The following ZNF385B variants were observed in gnomAD, a reference collection of about 807,000 sequenced individuals.
ZNF385B encodes zinc finger protein 385B.
A neutral mutation model predicts 39.2 loss-of-function variants in ZNF385B; 23 were observed. The ratio of observed to expected loss-of-function variants is 0.59; its 90% CI spans 0.42 to 0.83. The LOEUF is 0.83. ZNF385B is among the 40% of genes least tolerant of loss of function. The pLI is 0.00. For missense variants in ZNF385B, 552 were observed against 598.9 expected, an observed-to-expected ratio of 0.92 and a Z score of 0.82; for synonymous variants, 205 against 222.6, an observed-to-expected ratio of 0.92 and a Z score of 0.70.
chr2:179,843,659 G>A (rs1028463881), intron 1 of ZNF385B, among the ~76,000 whole-genome samples: 2 of 152,172 alleles, frequency 1.3e-5, no homozygotes, highest in African/African-American at 4.8e-5. Flanking sequence ...CTTCATTTGT[G>A]CATTGGTATA....
At chr2:179,699,102 A>C (rs1698979285) in intron 3 of ZNF385B, among the ~76,000 whole-genome samples, 1 of 87,198 alleles carries the variant, frequency 1.1e-5, no homozygotes, top group South Asian at 5.1e-4. Context: ...GAGACAATTA[A>C]AAATTTTGTG....
At chr2:179,665,304 T>G (rs1472363338) in intron 3 of ZNF385B, among the ~76,000 whole-genome samples, 1 of 152,250 alleles carries the variant, frequency 6.6e-6, no homozygotes, top group Admixed American at 6.5e-5. Context: ...GACTTAATCT[T>G]TTCACCTGTA....
At chr2:179,797,407 C>G (rs150784557) in intron 1 of ZNF385B, among the ~76,000 whole-genome samples, 1 of 152,144 alleles carries the variant, frequency 6.6e-6, no homozygotes, top group East Asian at 1.9e-4. Flanking sequence ...TGTCATCACA[C>G]TTTTAAAATT....
intron 3 of ZNF385B, among the ~76,000 whole-genome samples, chr2:179,731,514 C>T (rs1226396521): frequency 2.0e-5 from 3 of 152,232 alleles, no homozygotes; most frequent in Non-Finnish European, 4.4e-5. Context: ...AAATCAACCC[C>T]TTTAACCGGT....
At chr2:179,710,050 C>T (rs1257797303) in intron 3 of ZNF385B, among the ~76,000 whole-genome samples, 1 of 152,188 alleles carries the variant, frequency 6.6e-6, no homozygotes, top group Non-Finnish European at 1.5e-5. Context: ...ACCTGCCACA[C>T]AATCCTACAG....
intron 1 of ZNF385B, among the ~76,000 whole-genome samples, chr2:179,856,740 G>A (rs1467688622): frequency 2.0e-5 from 3 of 151,990 alleles, no homozygotes; most frequent in African/African-American, 7.3e-5. Context: ...CAACTGGCCA[G>A]AGAAAAATGT....
At chr2:179,652,709 A>G (rs551640613) in intron 3 of ZNF385B, among the ~76,000 whole-genome samples, 3 of 152,252 alleles carry the variant, frequency 2.0e-5, no homozygotes, top group South Asian at 4.1e-4. Context: ...ATCAATTTCT[A>G]CATATACTAA....
intron 1 of ZNF385B, among the ~76,000 whole-genome samples, chr2:179,833,455 C>T (rs901843779): frequency 6.6e-6 from 1 of 151,898 alleles, no homozygotes; most frequent in African/African-American, 2.4e-5. Context: ...AAAAGATTTA[C>T]AATTAAAGAA....
At chr2:179,672,045 C>A (rs1231492017) in intron 3 of ZNF385B, among the ~76,000 whole-genome samples, 1 of 152,206 alleles carries the variant, frequency 6.6e-6, no homozygotes, top group Non-Finnish European at 1.5e-5. Flanking sequence ...GGGCTATGCC[C>A]TACAAAGCAG....
At chr2:179,626,621 T>C (rs373673516) in intron 3 of ZNF385B, among the ~76,000 whole-genome samples, 25 of 152,298 alleles carry the variant, frequency 1.6e-4, no homozygotes, top group African/African-American at 5.8e-4. Flanking sequence ...GCCTGAGTTA[T>C]AATAAACTGA....
Position 179,444,902 on chromosome 2 carries a change from G to A in ZNF385B, c.1216C>T (p.Leu406Phe). The A allele has an allele frequency of 6.2e-7, 1 of 1,614,170 alleles. No homozygotes were observed. The highest frequency in any genetic ancestry group is 8.5e-7 in the Non-Finnish European group (1 of 1,180,002). Residue 406 changes from leucine (L) to phenylalanine (F), a missense_variant, in exon 9 of 10, where the codon CTC becomes TTC. By Grantham distance (22) the Leu-to-Phe change is conservative. Transcript: ENST00000410066. ...GCTAGAATACTCGGGCTCCGCTGGA[G>A]TTTGTTGTAAGGGCTGTATTTTGGC... ...LKPKYSPYNK[L>F]QRSPSILAAK... is the part of the protein sequence containing the mutation.
At chr2:179,628,617 T>C (rs1455012759) in intron 3 of ZNF385B, among the ~76,000 whole-genome samples, 1 of 152,226 alleles carries the variant, frequency 6.6e-6, no homozygotes, top group Non-Finnish European at 1.5e-5. Context: ...GTAGGTTTTG[T>C]TCTTCTCATC....
chr2:179,686,116 A>C (rs1033033166), intron 3 of ZNF385B, among the ~76,000 whole-genome samples: 2 of 152,240 alleles, frequency 1.3e-5, no homozygotes, highest in African/African-American at 2.4e-5. Flanking sequence ...CATGACAGGA[A>C]GAGTTTACAA....
At chr2:179,858,246 G>C (rs1469128335) in intron 1 of ZNF385B, among the ~76,000 whole-genome samples, 1 of 152,190 alleles carries the variant, frequency 6.6e-6, no homozygotes, top group Non-Finnish European at 1.5e-5. Context: ...AAGATACTGG[G>C]AGGGTCATCA....
chr2:179,638,457 G>T (rs1480280921), intron 3 of ZNF385B, among the ~76,000 whole-genome samples: 2 of 152,126 alleles, frequency 1.3e-5, no homozygotes, highest in African/African-American at 4.8e-5. Flanking sequence ...TTTCGTGTGT[G>T]TTGTAGGACT....
At chr2:179,551,006 A>G (rs898947834) in intron 3 of ZNF385B, among the ~76,000 whole-genome samples, 1 of 152,108 alleles carries the variant, frequency 6.6e-6, no homozygotes, top group Admixed American at 6.6e-5. Context: ...TATACCCATT[A>G]CGTTGCTATT....
chr2:179,673,367 T>C (rs115997914), intron 3 of ZNF385B, among the ~76,000 whole-genome samples: 1,571 of 152,222 alleles, frequency 0.01, 17 homozygotes, highest in Non-Finnish European at 0.018. Context: ...GAAAACATCA[T>C]ACGCTTTTCA....
At chr2:179,787,909 A>C (rs1263791207) in intron 1 of ZNF385B, among the ~76,000 whole-genome samples, 3 of 152,220 alleles carry the variant, frequency 2.0e-5, no homozygotes, top group Non-Finnish European at 4.4e-5. Flanking sequence ...AAACACAGCA[A>C]CTATCAGATA....
Position 179,614,829 on chromosome 2 carries a change from A to T in ZNF385B, c.299-69860T>A, listed in dbSNP as rs552820456. Among the ~76,000 whole-genome samples the T allele has an allele frequency of 2.0e-4, 30 of 152,374 alleles. 1 individual carries two copies. The South Asian group carries it at 6.2e-3, about 32-fold the overall frequency. On this transcript the variant is annotated intron_variant, in intron 3 of 9. Transcript: ENST00000410066. ...TTACACACCCAGCACTTCATTTTTC[A>T]TACAATACCTTTTATTATAGAGGGT...
Sources: allele counts gnomAD v4.1 joint callset (sites outside exome capture counted in the v4.1 genomes callset), GRCh38; gene constraint gnomAD v4.1.1; transcripts MANE v1.5; gene names NCBI Gene and HGNC (gene_info 2026-07-23, HGNC 2026-07-21).